PPP2R5C: variants seen among roughly 807,000 people sequenced by gnomAD.
PPP2R5C encodes serine/threonine-protein phosphatase 2A 56 kDa regulatory subunit gamma isoform.
A neutral mutation model predicts 68.9 loss-of-function variants in PPP2R5C; 7 were observed. That is an observed-to-expected ratio of 0.10 (90% CI 0.06 to 0.19). PPP2R5C has a LOEUF of 0.19. Ranked by LOEUF, PPP2R5C falls within the 10% of genes least tolerant of loss-of-function variation. The pLI is 1.00. For missense variants in PPP2R5C, 348 were observed against 641.3 expected, an observed-to-expected ratio of 0.54 and a Z score of 4.94; for synonymous variants, 210 against 222.2, an observed-to-expected ratio of 0.95 and a Z score of 0.49.
chr14:101,852,007 G>A (rs544079896), intron 1 of PPP2R5C, among the ~76,000 whole-genome samples: 7 of 152,220 alleles, frequency 4.6e-5, no homozygotes, highest in Admixed American at 3.9e-4. Context: ...GGTATTCGCC[G>A]TTTAGGACTC....
At chr14:101,763,394 T>G (rs1171896317) in intron 2 of PPP2R5C, among the ~76,000 whole-genome samples, 3 of 151,558 alleles carry the variant, frequency 2.0e-5, no homozygotes, top group Non-Finnish European at 1.5e-5. Context: ...CAAATTTTTT[T>G]TTTTTTTTAA....
chr14:101,844,571 C>T (rs1207208950), intron 1 of PPP2R5C, among the ~76,000 whole-genome samples: 1 of 152,126 alleles, frequency 6.6e-6, no homozygotes, highest in Non-Finnish European at 1.5e-5. Flanking sequence ...AAGGAAGAGC[C>T]AAGTTTCAGC....
At chr14:101,788,807 T>C (rs1025746923) in intron 3 of PPP2R5C, among the ~76,000 whole-genome samples, 30 of 152,350 alleles carry the variant, frequency 2.0e-4, no homozygotes, top group African/African-American at 6.7e-4. Flanking sequence ...ATTAAAGTTA[T>C]ATATTAATTT....
At chr14:101,763,188 T>TG in intron 2 of PPP2R5C, among the ~76,000 whole-genome samples, 1 of 152,068 alleles carries the variant, frequency 6.6e-6, no homozygotes, top group South Asian at 2.1e-4. Context: ...TGCTTGCCTA[T>TG]GGGGTTTGTT....
rs937674515 is a variant in PPP2R5C at position 101,871,852 on chromosome 14, T to C, written c.295-10309T>C. Among the ~76,000 whole-genome samples, 16 of 152,308 alleles carry C rather than the reference T, an allele frequency of 1.1e-4. No individual in the cohort carries two copies. The East Asian group carries it at 2.9e-3, about 28-fold the overall frequency. ...CACAATCTACCTTCAAGCGATAACA[T>C]ACTATTTCATATAGAATATAAGACA... On this transcript the variant is annotated intron_variant, in intron 2 of 13. Coordinates refer to ENST00000334743, the Ensembl canonical transcript of PPP2R5C.
At chr14:101,911,397 G>A (rs547242850) in intron 11 of PPP2R5C, among the ~76,000 whole-genome samples, 4 of 152,292 alleles carry the variant, frequency 2.6e-5, no homozygotes, top group African/African-American at 4.8e-5. Context: ...GGAAAGGGCC[G>A]GGGAGACAGA....
intron 2 of PPP2R5C, among the ~76,000 whole-genome samples, chr14:101,878,233 TCC>T (rs2043918417): frequency 6.6e-6 from 1 of 152,186 alleles, no homozygotes; most frequent in South Asian, 2.1e-4. Flanking sequence ...AGGACCCATC[TCC>T]AAATCCAGCC....
chr14:101,840,783 A>G (rs1202626254), intron 1 of PPP2R5C, among the ~76,000 whole-genome samples: 1 of 152,220 alleles, frequency 6.6e-6, no homozygotes, highest in Admixed American at 6.5e-5. Context: ...GGGCATATGC[A>G]TAATTGTGTT....
chr14:101,858,811 C>T (rs994940765), intron 2 of PPP2R5C, among the ~76,000 whole-genome samples: 1 of 152,160 alleles, frequency 6.6e-6, no homozygotes, highest in African/African-American at 2.4e-5. Flanking sequence ...ACAAGACTCC[C>T]GCTGGCCTGG....
intron 1 of PPP2R5C, among the ~76,000 whole-genome samples, chr14:101,847,731 C>T (rs1463211763): frequency 6.9e-6 from 1 of 145,410 alleles, no homozygotes; most frequent in African/African-American, 2.6e-5. Context: ...GGCGTGATCT[C>T]AGCTCACTGC....
rs2720215 is a variant in PPP2R5C, at chr14:101,891,542, T to C, written c.689+1246T>C. ...TCCTCGCATTTCCCTCCTAGGTTGTTGCAGGGACCGGAGCGCTGTATGACA... is the reference window on the plus strand; with the variant it reads ...TCCTCGCATTTCCCTCCTAGGTTGTCGCAGGGACCGGAGCGCTGTATGACA... On this transcript the variant is annotated intron_variant, in intron 6 of 13. Transcript: ENST00000334743. This position sits in a 1 kb window ranked among gnomAD's most constrained non-coding sequence, Gnocchi z 4.9. 0.27 allele frequency among the ~76,000 whole-genome samples: 40,519 copies of C among 151,866 alleles called. 7,103 individuals carry two copies. The highest frequency in any genetic ancestry group is 0.5 in the African/African-American group (20,705 of 41,346).
chr14:101,913,201 A>G lies in PPP2R5C; in HGVS notation c.1326+728A>G, dbSNP rs915696635. On this transcript the variant is annotated intron_variant, in intron 12 of 13. Transcript: ENST00000334743. The surrounding 1 kb of genome is among the most constrained non-coding windows in gnomAD (Gnocchi z 4.1). ...GATTATAACAGTGCCTCTTAAAAAG[A>G]AAATCTTTTTCAGAAAATCTTTTGT... is the stretch of plus-strand genomic sequence containing the variant. 6.6e-6 allele frequency among the ~76,000 whole-genome samples: 1 copy of G among 152,250 alleles called. No homozygotes were observed. The highest frequency in any genetic ancestry group is 2.4e-5 in the African/African-American group (1 of 41,466).
At chr14:101,839,684 C>G (rs2041339910) in intron 1 of PPP2R5C, among the ~76,000 whole-genome samples, 1 of 152,214 alleles carries the variant, frequency 6.6e-6, no homozygotes, top group African/African-American at 2.4e-5. Context: ...TAAAGTAAAA[C>G]ATTATTTGTG....
intron 8 of PPP2R5C, among the ~76,000 whole-genome samples, chr14:101,897,453 A>G (rs927468192): frequency 2.6e-5 from 4 of 151,534 alleles, no homozygotes; most frequent in African/African-American, 7.3e-5. Context: ...AGGTCCCACA[A>G]TAGCCCGTCT....
chr14:101,806,265 C>A (rs1009169159), upstream of PPP2R5C, among the ~76,000 whole-genome samples: 10 of 151,626 alleles, frequency 6.6e-5, no homozygotes, highest in Admixed American at 5.9e-4. Flanking sequence ...CCCCTGTCCC[C>A]CACCCCCCGA....
At chr14:101,783,833 C>T (rs1306332791) in intron 2 of PPP2R5C, among the ~76,000 whole-genome samples, 2 of 152,218 alleles carry the variant, frequency 1.3e-5, no homozygotes, top group Non-Finnish European at 2.9e-5. Flanking sequence ...TACTGGAACA[C>T]GCACGTATGT....
chr14:101,855,320 A>G (rs1746588), intron 1 of PPP2R5C, among the ~76,000 whole-genome samples: 34,149 of 152,198 alleles, frequency 0.22, 3,967 homozygotes, highest in Non-Finnish European at 0.26. Context: ...TTCTGCATTC[A>G]GTCTGTTGCC....
intron 1 of PPP2R5C, chr14:101,824,167 G>A (rs2040258564): frequency 2.0e-5 from 25 of 1,271,960 alleles, no homozygotes; most frequent in South Asian, 1.6e-4. Context: ...GAGTATTTTC[G>A]TGGTAAACGT....
chr14:101,921,895 C>T (rs2047023948), intron 13 of PPP2R5C: 1 of 782,536 alleles, frequency 1.3e-6, no homozygotes, highest in Admixed American at 6.3e-5. Flanking sequence ...TAACCCTATA[C>T]AGAACATTCA....
Sources: gnomAD v4.1 joint callset for allele counts (sites outside exome capture counted in the v4.1 genomes callset) on GRCh38, gnomAD v4.1.1 for gene constraint, Gnocchi (gnomAD v3.1) non-coding constraint, MANE v1.5 for transcripts, NCBI Gene and HGNC (gene_info 2026-07-23, HGNC 2026-07-21) for gene names.